Variants in UNC13C observed in about 807,000 individuals in gnomAD.
UNC13C encodes the protein protein unc-13 homolog C.
Under a neutral mutation model 245.4 loss-of-function variants are expected in UNC13C, and 174 were observed. That is an observed-to-expected ratio of 0.71 (90% CI 0.63 to 0.80). The LOEUF is 0.80. UNC13C is among the 30% of genes least tolerant of loss of function. UNC13C has a pLI of 0.00. For missense variants in UNC13C, 2,829 were observed against 2,602.9 expected (o/e 1.09, Z -1.89); for synonymous variants, 992 against 895.1 (o/e 1.11, Z -1.93).
chr15:54,019,352 C>T (rs1051893774), intron 2 of UNC13C, among the ~76,000 whole-genome samples: 2 of 152,162 alleles, frequency 1.3e-5, no homozygotes, highest in Non-Finnish European at 2.9e-5. Flanking sequence ...TAGTTCAACT[C>T]AGAGATATTC....
chr15:54,406,734 G>A (rs573148095), intron 18 of UNC13C, among the ~76,000 whole-genome samples: 5 of 152,216 alleles, frequency 3.3e-5, no homozygotes, highest in African/African-American at 9.6e-5. Context: ...TATTAAGTGA[G>A]CTCAGACCCA....
rs145010856 is a variant in UNC13C at position 54,514,643 on chromosome 15, G to A, written c.5457+2813G>A. ...GCTGGCTGCTTACAGGCATGACTGC[G>A]TGCTACTGCAGCTCCCTGCTGCTTT... On this transcript the variant is annotated intron_variant, in intron 24 of 32. Coordinates refer to ENST00000260323, the MANE Select transcript of UNC13C (RefSeq NM_001080534.3). 2.8e-4 allele frequency among the ~76,000 whole-genome samples: 42 copies of A among 152,290 alleles called. 1 individual carries two copies. In the East Asian group the frequency reaches 3.5e-3, roughly 13 times the overall value.
At chr15:54,049,515 C>T (rs768810814) in intron 2 of UNC13C, 1 of 320,888 alleles carries the variant, frequency 3.1e-6, no homozygotes, top group East Asian at 9.5e-5. Context: ...TGATGGAATT[C>T]CAATAAGTTC....
chr15:54,236,335 A>T, intron 5 of UNC13C, 95 bp from the exon 6 acceptor site: 1 of 918,736 alleles, frequency 1.1e-6, no homozygotes, highest in Non-Finnish European at 1.7e-6. Context: ...ATAATTGTAA[A>T]GTGTTAGGCT....
chr15:54,146,831 G>A (rs2032280524), intron 4 of UNC13C, among the ~76,000 whole-genome samples: 1 of 152,200 alleles, frequency 6.6e-6, no homozygotes, highest in Non-Finnish European at 1.5e-5. Context: ...AGAAGTAGGT[G>A]AGAAGAGCCT....
At chr15:54,271,709 T>C (rs8037101) in intron 10 of UNC13C, among the ~76,000 whole-genome samples, 16,721 of 152,256 alleles carry the variant, frequency 0.11, 1,052 homozygotes, top group South Asian at 0.19. Flanking sequence ...TGTTACTTAA[T>C]CTGTTTTTAA....
intron 4 of UNC13C, among the ~76,000 whole-genome samples, chr15:54,187,100 G>A (rs2034017839): frequency 6.6e-6 from 1 of 151,836 alleles, no homozygotes; most frequent in African/African-American, 2.4e-5. Flanking sequence ...TGCCCTCCTT[G>A]GCATCAATTT....
chr15:54,107,311 A>T (rs1330277914), intron 2 of UNC13C, among the ~76,000 whole-genome samples: 1 of 152,154 alleles, frequency 6.6e-6, no homozygotes, highest in Non-Finnish European at 1.5e-5. Context: ...TATAACAAAA[A>T]AATGTATTTT....
At chr15:54,106,874 G>C (rs941061244) in intron 2 of UNC13C, among the ~76,000 whole-genome samples, 1 of 152,212 alleles carries the variant, frequency 6.6e-6, no homozygotes, top group Non-Finnish European at 1.5e-5. Flanking sequence ...TGCTTTTCTT[G>C]TTTCAGAGTT....
chr15:53,958,751 A>G, the UNC13C span, among the ~76,000 whole-genome samples: 1 of 152,150 alleles, frequency 6.6e-6, no homozygotes, highest in Admixed American at 6.5e-5. Context: ...TAATGCTCTA[A>G]TCAGGGTAAT....
At chr15:54,540,269 AG>A (rs751193467) in intron 26 of UNC13C, among the ~76,000 whole-genome samples, 5 of 152,098 alleles carry the variant, frequency 3.3e-5, no homozygotes, top group Admixed American at 6.6e-5. Context: ...AGGTGGATAA[AG>A]TTTAGATATA....
chr15:54,306,202 A>G (rs2037719990), intron 13 of UNC13C, among the ~76,000 whole-genome samples: 1 of 151,992 alleles, frequency 6.6e-6, no homozygotes, highest in Non-Finnish European at 1.5e-5. Flanking sequence ...ATTTTCTGTG[A>G]GGGTACCATT....
At chr15:54,520,411 T>G (rs559962613) in intron 24 of UNC13C, among the ~76,000 whole-genome samples, 20 of 152,256 alleles carry the variant, frequency 1.3e-4, no homozygotes, top group African/African-American at 4.8e-4. Context: ...GAAGCATGTA[T>G]GAGCCATCAA....
chr15:54,040,193 C>A (rs577325897), intron 2 of UNC13C, among the ~76,000 whole-genome samples: 3 of 152,258 alleles, frequency 2.0e-5, no homozygotes, highest in East Asian at 1.9e-4. Flanking sequence ...CAGAAGCAGA[C>A]AGACTCTAAG....
At chr15:54,127,739 A>G (rs1461186599) in intron 2 of UNC13C, among the ~76,000 whole-genome samples, 1 of 123,584 alleles carries the variant, frequency 8.1e-6, no homozygotes, top group African/African-American at 3.1e-5. Flanking sequence ...TATATATTAA[A>G]TATATATTTC....
At chr15:54,232,036 C>A (rs1472930399) in intron 4 of UNC13C, among the ~76,000 whole-genome samples, 1 of 152,068 alleles carries the variant, frequency 6.6e-6, no homozygotes, top group African/African-American at 2.4e-5. Flanking sequence ...TAGACCTTAT[C>A]TATATTTATC....
In UNC13C at chr15:54,566,064, GT is replaced by G. The variant is rs920210730; in HGVS notation, c.5959-1734del. ...GAGAGAAAGTGCCTTCCTTTCCAGAGTTCCCCCCCTACTCTTGGCTCAGTTT... is the reference window on the plus strand; with the variant it reads ...GAGAGAAAGTGCCTTCCTTTCCAGAGTCCCCCCCTACTCTTGGCTCAGTTT... On this transcript the variant is annotated intron_variant, in intron 29 of 32. Coordinates refer to ENST00000260323, the MANE Select transcript of UNC13C (RefSeq NM_001080534.3). 1.6e-4 allele frequency among the ~76,000 whole-genome samples: 24 copies of G among 151,842 alleles called. 1 individual carries two copies. The highest frequency in any genetic ancestry group is 9.2e-4 in the Admixed American group (14 of 15,196).
chr15:54,157,648 C>A (rs1424777031), intron 4 of UNC13C, among the ~76,000 whole-genome samples: 1 of 152,116 alleles, frequency 6.6e-6, no homozygotes, highest in Non-Finnish European at 1.5e-5. Context: ...TCAAAGGGTT[C>A]TTCTGAGAAG....
At chr15:54,288,670 G>T (rs1218347390) in intron 10 of UNC13C, among the ~76,000 whole-genome samples, 1 of 152,052 alleles carries the variant, frequency 6.6e-6, no homozygotes, top group Non-Finnish European at 1.5e-5. Flanking sequence ...AAAGGTTGTT[G>T]TATGAGTGTA....
Sources: allele counts gnomAD v4.1 joint callset (sites outside exome capture counted in the v4.1 genomes callset), GRCh38; gene constraint gnomAD v4.1.1; transcripts MANE v1.5; gene names NCBI Gene and HGNC (gene_info 2026-07-23, HGNC 2026-07-21).